Variants in PKN2 observed in about 807,000 individuals in gnomAD.
PKN2 encodes serine/threonine-protein kinase N2.
PKN2 carries 38 observed loss-of-function variants against 119.1 expected under a neutral mutation model. The ratio of observed to expected loss-of-function variants is 0.32; its 90% CI spans 0.25 to 0.42. The LOEUF (loss-of-function observed/expected upper bound fraction) is 0.42. Ranked by LOEUF, PKN2 falls within the 10% of genes least tolerant of loss-of-function variation. The pLI, the probability that PKN2 is intolerant of heterozygous loss-of-function variation, is 1.00. For missense variants in PKN2, 850 were observed against 1,165.1 expected (o/e 0.73, Z 3.94); for synonymous variants, 390 against 384.9 (o/e 1.01, Z -0.15).
intron 6 of PKN2, among the ~76,000 whole-genome samples, chr1:88,772,490 A>G (rs1669936683): frequency 6.6e-6 from 1 of 152,196 alleles, no homozygotes; most frequent in African/African-American, 2.4e-5. Context: ...GTATAATATA[A>G]TATAAACATT....
chr1:88,766,506 A>G (rs1403194390), intron 3 of PKN2, among the ~76,000 whole-genome samples: 1 of 152,228 alleles, frequency 6.6e-6, no homozygotes, highest in East Asian at 1.9e-4. Flanking sequence ...TTATAATTGT[A>G]AAATATTTAT....
chr1:88,825,929 G>A (rs1672482876), intron 18 of PKN2, among the ~76,000 whole-genome samples: 1 of 152,104 alleles, frequency 6.6e-6, no homozygotes, highest in South Asian at 2.1e-4. Flanking sequence ...TATAGTCTGT[G>A]TCCCTCTAGC....
intron 1 of PKN2, among the ~76,000 whole-genome samples, chr1:88,692,083 T>G (rs1318389853): frequency 6.6e-6 from 1 of 152,172 alleles, no homozygotes; most frequent in Admixed American, 6.5e-5. Context: ...ATCTTTTAGT[T>G]GTTTGTATAG....
chr1:88,804,979 C>A (rs1256872981), intron 10 of PKN2, 58 bp downstream of exon 10: 5 of 829,070 alleles, frequency 6.0e-6, no homozygotes, highest in Non-Finnish European at 7.8e-6. Context: ...AATCTAATTA[C>A]CATTTAAAAA....
chr1:88,829,653 T>C (rs1054366172), intron 19 of PKN2, among the ~76,000 whole-genome samples: 1 of 152,134 alleles, frequency 6.6e-6, no homozygotes, highest in Non-Finnish European at 1.5e-5. Flanking sequence ...TGGGATGAAA[T>C]TGGGAAAGAG....
chr1:88,715,032 A>C (rs575899794), intron 1 of PKN2, among the ~76,000 whole-genome samples: 2 of 152,116 alleles, frequency 1.3e-5, no homozygotes, highest in Non-Finnish European at 2.9e-5. Flanking sequence ...TGAGATAATC[A>C]TGTGGCTTTT....
At chr1:88,688,792 C>T (rs1293934810) in intron 1 of PKN2, among the ~76,000 whole-genome samples, 2 of 152,128 alleles carry the variant, frequency 1.3e-5, no homozygotes, top group Non-Finnish European at 2.9e-5. Flanking sequence ...GTGTTTGACA[C>T]TTAGTAGGTG....
At chr1:88,689,338 A>G (rs755250147) in intron 1 of PKN2, among the ~76,000 whole-genome samples, 2 of 151,930 alleles carry the variant, frequency 1.3e-5, no homozygotes, top group Non-Finnish European at 2.9e-5. Context: ...TTTTTTCTTT[A>G]TCTCATTTTA....
intron 6 of PKN2, among the ~76,000 whole-genome samples, chr1:88,782,549 T>G (rs1007404203): frequency 1.3e-5 from 2 of 152,216 alleles, no homozygotes; most frequent in African/African-American, 4.8e-5. Context: ...TTTGATAATT[T>G]CTTTGCTGTG....
At chr1:88,779,687 G>C (rs1304192234) in intron 6 of PKN2, among the ~76,000 whole-genome samples, 1 of 152,134 alleles carries the variant, frequency 6.6e-6, no homozygotes, top group East Asian at 1.9e-4. Flanking sequence ...TTGAGGTTAT[G>C]AAAGTGTTCT....
intron 19 of PKN2, among the ~76,000 whole-genome samples, chr1:88,831,737 C>T (rs1283516197): frequency 1.3e-5 from 2 of 151,918 alleles, no homozygotes; most frequent in East Asian, 1.9e-4. Context: ...TCAAATCTAA[C>T]GAGGCTAAGT....
chr1:88,754,687 C>G (rs555098350), intron 2 of PKN2, among the ~76,000 whole-genome samples: 7 of 152,288 alleles, frequency 4.6e-5, no homozygotes, highest in Non-Finnish European at 8.8e-5. Flanking sequence ...GTAGATGTGG[C>G]TATTAAAAAT....
At chr1:88,803,327 A>AT (rs1012463129) in intron 8 of PKN2, among the ~76,000 whole-genome samples, 16 of 151,760 alleles carry the variant, frequency 1.1e-4, no homozygotes, top group South Asian at 2.1e-4. Context: ...AGGTCAATAG[A>AT]TTTTTTTTTA....
chr1:88,756,994 CTG>C (rs539229984), intron 2 of PKN2, among the ~76,000 whole-genome samples: 418 of 152,206 alleles, frequency 2.7e-3, no homozygotes, highest in Non-Finnish European at 4.5e-3. Context: ...AGTACCAAAA[CTG>C]AGACTCAAAC....
intron 8 of PKN2, among the ~76,000 whole-genome samples, chr1:88,797,795 C>A (rs907780228): frequency 6.6e-6 from 1 of 152,006 alleles, no homozygotes; most frequent in Non-Finnish European, 1.5e-5. Flanking sequence ...CCTCTCTGAT[C>A]TGTAAATTAA....
chr1:88,752,480 T>G (rs368089858), intron 2 of PKN2, among the ~76,000 whole-genome samples: 40 of 152,122 alleles, frequency 2.6e-4, no homozygotes, highest in East Asian at 1.7e-3. Flanking sequence ...GCTTTGTGAT[T>G]TGTAATTGTG....
At chr1:88,732,295 AAT>A (rs1395062990) in intron 1 of PKN2, among the ~76,000 whole-genome samples, 1 of 152,230 alleles carries the variant, frequency 6.6e-6, no homozygotes, top group African/African-American at 2.4e-5. Context: ...TTGTCAAAAA[AAT>A]AGAGAAAACA....
At chr1:88,740,367 C>T (rs1401871180) in intron 1 of PKN2, among the ~76,000 whole-genome samples, 1 of 151,922 alleles carries the variant, frequency 6.6e-6, no homozygotes, top group African/African-American at 2.4e-5. Context: ...AATGATTCAC[C>T]TATTGAATTT....
chr1:88,808,937 C>G (rs1161467183), intron 15 of PKN2, among the ~76,000 whole-genome samples: 1 of 152,134 alleles, frequency 6.6e-6, no homozygotes, highest in Non-Finnish European at 1.5e-5. Flanking sequence ...CCCCAGTTAA[C>G]TCATATATTT....
Sources: allele counts gnomAD v4.1 joint callset (sites outside exome capture counted in the v4.1 genomes callset), GRCh38; gene constraint gnomAD v4.1.1; transcripts MANE v1.5; gene names NCBI Gene and HGNC (gene_info 2026-07-23, HGNC 2026-07-21).